Variants in ROR1 observed in about 807,000 individuals in gnomAD.
ROR1 encodes ROR family WNT receptor 1, also known as inactive tyrosine-protein kinase transmembrane receptor ROR1.
A neutral mutation model predicts 78.8 loss-of-function variants in ROR1; 19 were observed. The ratio of observed to expected loss-of-function variants is 0.24; its 90% CI spans 0.17 to 0.35. The LOEUF is 0.35. ROR1 is among the 10% of genes least tolerant of loss of function. The pLI is 1.00. For missense variants in ROR1, 917 were observed against 1,177.8 expected (o/e 0.78, Z 3.24); for synonymous variants, 386 against 433.6 (o/e 0.89, Z 1.36).
chr1:63,975,985 T>G (rs1646156911), intron 1 of ROR1, among the ~76,000 whole-genome samples: 1 of 152,234 alleles, frequency 6.6e-6, no homozygotes, highest in Admixed American at 6.5e-5. Flanking sequence ...GGGCTAATAG[T>G]GCTGTGGGGA....
intron 1 of ROR1, among the ~76,000 whole-genome samples, chr1:63,914,248 A>G (rs902389033): frequency 5.9e-5 from 9 of 152,362 alleles, no homozygotes; most frequent in African/African-American, 2.2e-4. Context: ...CAGGCTTTCT[A>G]GCTGTGACAA....
chr1:63,990,966 T>A (rs1466729453), intron 1 of ROR1, among the ~76,000 whole-genome samples: 2 of 152,236 alleles, frequency 1.3e-5, no homozygotes, highest in African/African-American at 4.8e-5. Flanking sequence ...TTTATTAGAC[T>A]GGAGTGCAAT....
At chr1:63,970,112 C>A (rs1646107498) in intron 1 of ROR1, among the ~76,000 whole-genome samples, 1 of 152,122 alleles carries the variant, frequency 6.6e-6, no homozygotes, top group East Asian at 1.9e-4. Flanking sequence ...TTATCTGAAC[C>A]ACCCCATTTC....
chr1:63,898,492 G>C (rs545951731), intron 1 of ROR1, among the ~76,000 whole-genome samples: 1 of 143,182 alleles, frequency 7.0e-6, no homozygotes, highest in East Asian at 2.0e-4. Context: ...AGGTGTTCAA[G>C]AAACACATAT....
At chr1:64,015,875 G>A (rs1265293231) in intron 2 of ROR1, among the ~76,000 whole-genome samples, 4 of 152,156 alleles carry the variant, frequency 2.6e-5, no homozygotes, top group Non-Finnish European at 5.9e-5. Context: ...AACACTTAGA[G>A]CCTCTCTAAC....
chr1:63,830,608 C>T (rs544605861), intron 1 of ROR1, among the ~76,000 whole-genome samples: 6 of 152,288 alleles, frequency 3.9e-5, no homozygotes, highest in Admixed American at 3.9e-4. Context: ...AGGTCCCTCC[C>T]TTGACATGTG....
At chr1:63,992,287 A>C (rs1010826043) in intron 1 of ROR1, among the ~76,000 whole-genome samples, 1 of 151,882 alleles carries the variant, frequency 6.6e-6, no homozygotes, top group African/African-American at 2.4e-5. Context: ...GGCTCACTGC[A>C]ACTTCCGACT....
At chr1:63,926,198 G>T (rs1185440927) in intron 1 of ROR1, among the ~76,000 whole-genome samples, 1 of 150,320 alleles carries the variant, frequency 6.7e-6, no homozygotes, top group African/African-American at 2.5e-5. Context: ...TGTATAAGGT[G>T]TAAGGAAGGG....
chr1:63,892,488 A>G (rs1645405168), intron 1 of ROR1, among the ~76,000 whole-genome samples: 1 of 152,188 alleles, frequency 6.6e-6, no homozygotes. Context: ...TTTCACATCC[A>G]TGTAGTGAGC....
At chr1:64,048,504 A>G (rs1177213420) in intron 2 of ROR1, among the ~76,000 whole-genome samples, 2 of 152,222 alleles carry the variant, frequency 1.3e-5, no homozygotes, top group African/African-American at 4.8e-5. Context: ...GACATAGGAC[A>G]ATGAGAAAGT....
chr1:64,059,934 C>T (rs1393495756), intron 4 of ROR1, among the ~76,000 whole-genome samples: 4 of 152,076 alleles, frequency 2.6e-5, no homozygotes, highest in African/African-American at 9.7e-5. Context: ...TACCACAGAA[C>T]TTGAGAGAGG....
chr1:63,883,657 A>G (rs1395828462), intron 1 of ROR1, among the ~76,000 whole-genome samples: 1 of 152,170 alleles, frequency 6.6e-6, no homozygotes, highest in African/African-American at 2.4e-5. Flanking sequence ...GCTGATTGGC[A>G]TCCTCTGCCA....
At chr1:63,946,719 C>A (rs1209254580) in intron 1 of ROR1, among the ~76,000 whole-genome samples, 1 of 152,108 alleles carries the variant, frequency 6.6e-6, no homozygotes, top group African/African-American at 2.4e-5. Flanking sequence ...TAAATCATGG[C>A]CTCTTTCTTC....
intron 1 of ROR1, among the ~76,000 whole-genome samples, chr1:63,877,123 A>G (rs911628355): frequency 6.6e-6 from 1 of 152,016 alleles, no homozygotes; most frequent in Admixed American, 6.6e-5. Flanking sequence ...TTCCCCTTAC[A>G]TGCTTGGTTT....
At chr1:63,787,142 C>T (rs1644693377) in intron 1 of ROR1, among the ~76,000 whole-genome samples, 1 of 152,140 alleles carries the variant, frequency 6.6e-6, no homozygotes, top group Non-Finnish European at 1.5e-5. Flanking sequence ...AGACTCTTTC[C>T]TCTTTTCATT....
chr1:63,778,587 A>G (rs1212217112), intron 1 of ROR1, among the ~76,000 whole-genome samples: 1 of 152,244 alleles, frequency 6.6e-6, no homozygotes, highest in African/African-American at 2.4e-5. Flanking sequence ...ACCTCAAGTA[A>G]GAAAATATGT....
chr1:63,778,286 A>G (rs981769870), intron 1 of ROR1, among the ~76,000 whole-genome samples: 3 of 152,238 alleles, frequency 2.0e-5, no homozygotes, highest in African/African-American at 7.2e-5. Context: ...ACAATTTTAT[A>G]TGCATTTTTA....
chr1:64,110,796 G>A (rs1348429129), intron 4 of ROR1: 3 of 152,062 alleles, frequency 2.0e-5, no homozygotes, highest in African/African-American at 4.8e-5. Flanking sequence ...TGGAGGGGCT[G>A]AGAGTAGGTA....
intron 1 of ROR1, among the ~76,000 whole-genome samples, chr1:63,980,488 T>C (rs188167382): frequency 6.6e-6 from 1 of 152,346 alleles, no homozygotes; most frequent in Non-Finnish European, 1.5e-5. Context: ...AACATCCTGC[T>C]TTCCGAGTTT....
Sources: allele counts gnomAD v4.1 joint callset (sites outside exome capture counted in the v4.1 genomes callset), GRCh38; gene constraint gnomAD v4.1.1; transcripts MANE v1.5; gene names NCBI Gene and HGNC (gene_info 2026-07-23, HGNC 2026-07-21).